Variants in MYO16 observed in about 807,000 individuals in gnomAD.
The protein encoded by MYO16 is myosin XVI, also known as unconventional myosin-XVI.
In MYO16, 94 loss-of-function variants were observed where a neutral mutation model predicts 205.3. That is an observed-to-expected ratio of 0.46 (90% CI 0.39 to 0.54). The LOEUF (loss-of-function observed/expected upper bound fraction) is 0.54, where lower values mean the gene tolerates loss of function less well. MYO16 is among the 20% of genes least tolerant of loss of function. The probability of loss-of-function intolerance (pLI) is 0.00; values close to 1 mark genes in which losing one functional copy is unlikely to be tolerated. For missense variants in MYO16, 2,315 were observed against 2,387.5 expected, an observed-to-expected ratio of 0.97 and a Z score of 0.63; for synonymous variants, 988 against 954.0, an observed-to-expected ratio of 1.04 and a Z score of -0.66.
intron 27 of MYO16, among the ~76,000 whole-genome samples, chr13:109,065,775 A>C (rs1887730239): frequency 6.6e-6 from 1 of 152,192 alleles, no homozygotes; most frequent in Non-Finnish European, 1.5e-5. Flanking sequence ...CAAACATCGG[A>C]GTCTTAACTC....
At chr13:108,544,397 C>T in the MYO16 span, among the ~76,000 whole-genome samples, 5 of 152,092 alleles carry the variant, frequency 3.3e-5, no homozygotes, top group South Asian at 6.2e-4. Context: ...TTTTAATTTT[C>T]GTGAGCACAT....
chr13:108,860,801 G>A (rs529044660), intron 11 of MYO16, among the ~76,000 whole-genome samples: 38 of 152,126 alleles, frequency 2.5e-4, no homozygotes, highest in African/African-American at 9.2e-4. Context: ...AACTCAAGAT[G>A]GATTGAAGAC....
chr13:108,757,135 G>A (rs1404507099), intron 4 of MYO16, among the ~76,000 whole-genome samples: 1 of 152,168 alleles, frequency 6.6e-6, no homozygotes, highest in African/African-American at 2.4e-5. Flanking sequence ...GGAACCTAGA[G>A]TGCAAAAGGC....
At chr13:108,869,876 CAAT>C (rs1457427544) in intron 12 of MYO16, among the ~76,000 whole-genome samples, 5 of 149,280 alleles carry the variant, frequency 3.3e-5, no homozygotes, top group Admixed American at 2.7e-4. Flanking sequence ...TTGCCTGAAA[CAAT>C]AATAATTTTC....
intron 32 of MYO16, among the ~76,000 whole-genome samples, chr13:109,151,856 C>T (rs1350027491): frequency 6.6e-6 from 1 of 152,188 alleles, no homozygotes; most frequent in Non-Finnish European, 1.5e-5. Flanking sequence ...AAGCTCACAG[C>T]TATGAAGTTA....
At chr13:108,549,685 A>T in the MYO16 span, among the ~76,000 whole-genome samples, 2 of 152,118 alleles carry the variant, frequency 1.3e-5, no homozygotes, top group Non-Finnish European at 2.9e-5. Flanking sequence ...TGGTGGGTTA[A>T]TGGGAGTGGG....
chr13:109,207,006 T>TTGTG lies in MYO16; in HGVS notation c.*183_*186dup, dbSNP rs1379758230. ...AGATCCCGTGTGTGTGTGTGTGTGTTTGTGTGTGTGTGTGTGGGTTCTTTC... is the reference window on the plus strand; with the variant it reads ...AGATCCCGTGTGTGTGTGTGTGTGTTTGTGTGTGTGTGTGTGTGTGGGTTCTTTC... On this transcript the variant is annotated 3_prime_UTR_variant, in exon 35 of 35. Coordinates refer to ENST00000457511, the MANE Select transcript of MYO16 (RefSeq NM_001198950.3). 2.1e-5 allele frequency: 6 copies of TTGTG among 283,088 alleles called. No individual in the cohort carries two copies. The highest frequency in any genetic ancestry group is 2.0e-4 in the African/African-American group (5 of 25,320). 17.5% of individuals were successfully genotyped at this position (283,088 alleles called of 1,614,324 possible). A position where few individuals can be genotyped will look rare whatever the true frequency, so the allele number is the denominator to read the frequency against.
upstream of MYO16, chr13:108,629,116 A>G (rs1879859013): frequency 6.6e-6 from 1 of 152,216 alleles, no homozygotes; most frequent in Admixed American, 6.5e-5. Flanking sequence ...TAAATTTTAA[A>G]GCTATGCAAA....
chr13:108,731,783 A>C (rs1884531286), intron 4 of MYO16, among the ~76,000 whole-genome samples: 1 of 152,212 alleles, frequency 6.6e-6, no homozygotes, highest in East Asian at 1.9e-4. Flanking sequence ...GCCTGCCCTG[A>C]GGGAAATTAC....
intron 9 of MYO16, among the ~76,000 whole-genome samples, chr13:108,824,351 A>T (rs914769370): frequency 5.9e-5 from 9 of 152,234 alleles, no homozygotes; most frequent in African/African-American, 2.2e-4. Context: ...ATTGAAAAGC[A>T]TAGAAATACC....
intron 16 of MYO16, among the ~76,000 whole-genome samples, chr13:108,939,974 G>A (rs144687022): frequency 4.8e-4 from 73 of 152,208 alleles, no homozygotes; most frequent in African/African-American, 1.5e-3. Context: ...ATCTCACCTG[G>A]TTAAATATTT....
chr13:109,095,155 G>A (rs1343338119), intron 27 of MYO16, among the ~76,000 whole-genome samples: 1 of 152,250 alleles, frequency 6.6e-6, no homozygotes, highest in Non-Finnish European at 1.5e-5. Flanking sequence ...AGAGCAGGCT[G>A]TCTGGAAAGG....
At chr13:108,558,605 A>G in the MYO16 span, among the ~76,000 whole-genome samples, 134 of 152,274 alleles carry the variant, frequency 8.8e-4, no homozygotes, top group African/African-American at 3.1e-3. Flanking sequence ...AGCCTCCTCC[A>G]CTCACCTCAG....
At chr13:108,578,006 C>T in the MYO16 span, among the ~76,000 whole-genome samples, 1 of 152,028 alleles carries the variant, frequency 6.6e-6, no homozygotes, top group Non-Finnish European at 1.5e-5. Flanking sequence ...ATTGTGTGCT[C>T]CTCTTTATGT....
chr13:109,147,404 G>A (rs1180434613), intron 32 of MYO16, among the ~76,000 whole-genome samples: 1 of 152,122 alleles, frequency 6.6e-6, no homozygotes, highest in Non-Finnish European at 1.5e-5. Context: ...GCTCCAGGAC[G>A]GTGTGTGCAA....
chr13:109,072,229 G>A (rs1360675781), intron 27 of MYO16, among the ~76,000 whole-genome samples: 3 of 152,016 alleles, frequency 2.0e-5, no homozygotes, highest in Non-Finnish European at 4.4e-5. Context: ...TTTTACGATC[G>A]ATGTTATAAA....
At chr13:108,741,046 G>T (rs966207929) in intron 4 of MYO16, among the ~76,000 whole-genome samples, 2 of 152,098 alleles carry the variant, frequency 1.3e-5, no homozygotes, top group Non-Finnish European at 2.9e-5. Context: ...GCTTCCCTTG[G>T]CTAGGAAAGG....
At chr13:108,724,605 T>C (rs965362179) in intron 3 of MYO16, among the ~76,000 whole-genome samples, 1 of 152,172 alleles carries the variant, frequency 6.6e-6, no homozygotes, top group Non-Finnish European at 1.5e-5. Context: ...GTTTGAGTAT[T>C]TTTCGTGATT....
At position 109,023,576 on chromosome 13, in the gene MYO16, TATATTTATATATACAAATATAAATGTAC is replaced by T. The variant is rs1013761862; in HGVS notation, c.2796+3687_2796+3714del. On this transcript the variant is annotated intron_variant, in intron 23 of 34. Transcript: ENST00000457511. ...TTTATTATATATACAAATACATGTA[TATATTTATATATACAAATATAAATGTAC>T]ATATTTATATATACAAATATATAGA... is the stretch of plus-strand genomic sequence containing the variant. 3.4e-4 allele frequency among the ~76,000 whole-genome samples: 43 copies of T among 125,590 alleles called. 1 individual carries two copies. Among genetic ancestry groups the T allele is most frequent in the Admixed American group, 1.4e-3 (15 of 10,828 alleles). The allele number at this position is 125,590 out of a possible 152,430, so 82.4% of individuals were successfully genotyped here.
Sources: gnomAD v4.1 joint callset for allele counts (sites outside exome capture counted in the v4.1 genomes callset) on GRCh38, gnomAD v4.1.1 for gene constraint, MANE v1.5 for transcripts, NCBI Gene and HGNC (gene_info 2026-07-23, HGNC 2026-07-21) for gene names.